Variants in C12orf42 observed in about 807,000 individuals in gnomAD.
C12orf42 encodes the protein uncharacterized protein C12orf42.
Under a neutral mutation model 21.6 loss-of-function variants are expected in C12orf42, and 25 were observed. That is an observed-to-expected ratio of 1.16 (90% confidence interval 0.84 to 1.62). The LOEUF is 1.62. Among genes scored for constraint, C12orf42 ranks in the 40% most tolerant of loss-of-function variants. The pLI is 0.00. For synonymous variants in C12orf42, 174 were observed against 175.0 expected (o/e 0.99, Z 0.05); for missense variants, 483 against 459.3 (o/e 1.05, Z -0.47).
the C12orf42 span, among the ~76,000 whole-genome samples, chr12:103,142,511 A>G: frequency 6.6e-6 from 1 of 152,204 alleles, no homozygotes; most frequent in South Asian, 2.1e-4. Context: ...GGATCTACAT[A>G]ACTAAATTTG....
intron 2 of C12orf42, among the ~76,000 whole-genome samples, chr12:103,425,149 G>A (rs1450293090): frequency 6.6e-6 from 1 of 152,178 alleles, no homozygotes; most frequent in Non-Finnish European, 1.5e-5. Context: ...CCTCACCTCT[G>A]GGTAGGGAAT....
At chr12:103,440,998 C>A (rs1003561746) in intron 2 of C12orf42, among the ~76,000 whole-genome samples, 1 of 152,076 alleles carries the variant, frequency 6.6e-6, no homozygotes, top group Non-Finnish European at 1.5e-5. Flanking sequence ...TTAACACATG[C>A]CATAATTATT....
downstream of C12orf42, among the ~76,000 whole-genome samples, chr12:103,233,290 C>T (rs181026778): frequency 1.3e-5 from 2 of 152,264 alleles, no homozygotes; most frequent in South Asian, 2.1e-4. Context: ...CTTTCAGTAT[C>T]ATGCGGGCTA....
At chr12:103,456,845 A>G (rs967547797) in intron 2 of C12orf42, among the ~76,000 whole-genome samples, 1 of 152,186 alleles carries the variant, frequency 6.6e-6, no homozygotes, top group African/African-American at 2.4e-5. Context: ...GTATTACTTT[A>G]CTAAATCAAA....
chr12:103,385,218 A>G (rs1263864706), intron 3 of C12orf42, among the ~76,000 whole-genome samples: 2 of 152,224 alleles, frequency 1.3e-5, no homozygotes, highest in Non-Finnish European at 2.9e-5. Flanking sequence ...ATTGCTGAAA[A>G]AAGAAATATT....
chr12:103,284,663 G>A (rs745550888), intron 4 of C12orf42, among the ~76,000 whole-genome samples: 7 of 152,164 alleles, frequency 4.6e-5, no homozygotes, highest in African/African-American at 7.2e-5. Context: ...AACATGGTAG[G>A]CCTTTGTTAC....
the C12orf42 span, chr12:103,080,896 T>C: frequency 6.6e-6 from 1 of 152,172 alleles, no homozygotes; most frequent in East Asian, 1.9e-4. Flanking sequence ...TTCAAATAGG[T>C]CAACAATTTG....
At chr12:103,296,418 A>C (rs1487622415) in intron 4 of C12orf42, among the ~76,000 whole-genome samples, 3 of 152,182 alleles carry the variant, frequency 2.0e-5, no homozygotes, top group Non-Finnish European at 4.4e-5. Context: ...TTCTAGTTCT[A>C]GATCCCTGAG....
At chr12:103,520,936 G>T in the C12orf42 span, among the ~76,000 whole-genome samples, 2 of 152,126 alleles carry the variant, frequency 1.3e-5, no homozygotes, top group African/African-American at 4.8e-5. Flanking sequence ...ACTCCAGAAG[G>T]AATTAGTCAT....
chr12:103,486,435 T>C (rs1954837188), intron 1 of C12orf42, among the ~76,000 whole-genome samples: 1 of 145,000 alleles, frequency 6.9e-6, no homozygotes, highest in East Asian at 2.0e-4. Context: ...TAAAATTCTC[T>C]TTTTTTTTTG....
At chr12:103,129,324 A>T in the C12orf42 span, among the ~76,000 whole-genome samples, 1 of 152,170 alleles carries the variant, frequency 6.6e-6, no homozygotes, top group South Asian at 2.1e-4. Flanking sequence ...CCAGCGTGTT[A>T]TGCTACATGG....
At chr12:103,182,542 T>C in the C12orf42 span, among the ~76,000 whole-genome samples, 1 of 152,140 alleles carries the variant, frequency 6.6e-6, no homozygotes, top group Non-Finnish European at 1.5e-5. Context: ...AGGCAAGAAT[T>C]GGGTCAGAAA....
the C12orf42 span, among the ~76,000 whole-genome samples, chr12:103,116,660 T>A: frequency 6.6e-6 from 1 of 152,180 alleles, no homozygotes; most frequent in Non-Finnish European, 1.5e-5. Flanking sequence ...ATGGAGGCAC[T>A]GTGCAACATG....
downstream of C12orf42, among the ~76,000 whole-genome samples, chr12:103,264,229 A>AG: frequency 1.3e-5 from 2 of 152,132 alleles, no homozygotes; most frequent in African/African-American, 4.8e-5. Flanking sequence ...TCCTCCACTT[A>AG]GAAGATTAGC....
chr12:103,399,133 GT>G (rs2047774219), intron 3 of C12orf42, among the ~76,000 whole-genome samples: 1 of 151,372 alleles, frequency 6.6e-6, no homozygotes, highest in African/African-American at 2.4e-5. Flanking sequence ...TATAGTTTTA[GT>G]TTTAATAATT....
intron 5 of C12orf42, among the ~76,000 whole-genome samples, chr12:103,302,855 C>A (rs1263145657): frequency 2.0e-5 from 3 of 151,698 alleles, no homozygotes; most frequent in Non-Finnish European, 4.4e-5. Flanking sequence ...GAAAACTGTT[C>A]AAAACTCCTA....
At chr12:103,202,282 C>T in the C12orf42 span, among the ~76,000 whole-genome samples, 1 of 152,160 alleles carries the variant, frequency 6.6e-6, no homozygotes, top group East Asian at 1.9e-4. Context: ...ACATACTTCA[C>T]TTGAAATAAA....
At chr12:103,563,590 C>G in the C12orf42 span, among the ~76,000 whole-genome samples, 1 of 152,178 alleles carries the variant, frequency 6.6e-6, no homozygotes, top group African/African-American at 2.4e-5. Context: ...AGCTGGGAGT[C>G]CACTGACTGT....
intron 1 of C12orf42, among the ~76,000 whole-genome samples, chr12:103,495,376 C>G (rs1593034596): frequency 6.6e-6 from 1 of 152,076 alleles, no homozygotes; most frequent in Non-Finnish European, 1.5e-5. Flanking sequence ...CAAGGCGGGG[C>G]GTGCCCTCCA....
Sources: allele counts gnomAD v4.1 joint callset (sites outside exome capture counted in the v4.1 genomes callset), GRCh38; gene constraint gnomAD v4.1.1; transcripts MANE v1.5; gene names NCBI Gene and HGNC (gene_info 2026-07-23, HGNC 2026-07-21).